AJAP1: variants seen among roughly 807,000 people sequenced by gnomAD.
The protein encoded by AJAP1 is adherens junctions associated protein 1, also known as adherens junction-associated protein 1.
Under a neutral mutation model 35.0 loss-of-function variants are expected in AJAP1, and 5 were observed. That is an observed-to-expected ratio of 0.14 (90% CI 0.07 to 0.30). The LOEUF (loss-of-function observed/expected upper bound fraction) is 0.30. AJAP1 is among the 10% of genes least tolerant of loss of function. The pLI, the probability that AJAP1 is intolerant of heterozygous loss-of-function variation, is 1.00. For missense variants in AJAP1, 586 were observed against 571.0 expected, an observed-to-expected ratio of 1.03 and a Z score of -0.27; for synonymous variants, 284 against 249.3, an observed-to-expected ratio of 1.14 and a Z score of -1.31.
At chr1:4,772,068 T>C (rs563672994) in intron 3 of AJAP1, among the ~76,000 whole-genome samples, 1 of 141,612 alleles carries the variant, frequency 7.1e-6, no homozygotes, top group East Asian at 2.0e-4. Context: ...TAGCCACATT[T>C]AAAATTCAAA....
chr1:4,686,613 G>A (rs1323570698), intron 1 of AJAP1, among the ~76,000 whole-genome samples: 1 of 152,224 alleles, frequency 6.6e-6, no homozygotes, highest in Non-Finnish European at 1.5e-5. Context: ...GAGCTTTGCC[G>A]AGCAGGAGGC....
Position 4,693,000 on chromosome 1 carries a change from C to A in AJAP1, c.30-18900C>A, listed in dbSNP as rs1047590884. On this transcript the variant is annotated intron_variant, in intron 1 of 5. Coordinates refer to ENST00000378191, the MANE Select transcript of AJAP1 (RefSeq NM_018836.4). This position sits in a 1 kb window ranked among gnomAD's most constrained non-coding sequence, Gnocchi z 4.4. ...GTATAAAAATAAGCAGTTAATATTT[C>A]TATTACAGTGTAATTAATACTAAAT... Among the ~76,000 whole-genome samples the A allele has an allele frequency of 3.9e-5, 6 of 152,208 alleles. No homozygotes were observed. The highest frequency in any genetic ancestry group is 1.4e-4 in the African/African-American group (6 of 41,446).
At chr1:4,738,220 A>T (rs1455138033) in intron 2 of AJAP1, among the ~76,000 whole-genome samples, 1 of 152,250 alleles carries the variant, frequency 6.6e-6, no homozygotes, top group Non-Finnish European at 1.5e-5. Flanking sequence ...ATGAGGCATG[A>T]TCAACACAAC....
In AJAP1 at chr1:4,692,489, C is replaced by A. The variant is rs750153787; in HGVS notation, c.30-19411C>A. ...TGGGTCCCAAGGAAGCACCTGCCCCCAAATTCCCCACCCCAGGCATCCGGG... is the reference window on the plus strand; with the variant it reads ...TGGGTCCCAAGGAAGCACCTGCCCCAAAATTCCCCACCCCAGGCATCCGGG... On this transcript the variant is annotated intron_variant, in intron 1 of 5. Coordinates refer to ENST00000378191, the MANE Select transcript of AJAP1 (RefSeq NM_018836.4). The surrounding 1 kb of genome is among the most constrained non-coding windows in gnomAD (Gnocchi z 4.4). Among the ~76,000 whole-genome samples, 15 of 152,218 alleles carry A rather than the reference C, an allele frequency of 9.9e-5. No individual in the cohort carries two copies. The highest frequency in any genetic ancestry group is 4.4e-5 in the Non-Finnish European group (3 of 68,038).
intron 1 of AJAP1, among the ~76,000 whole-genome samples, chr1:4,684,998 A>G (rs940763025): frequency 3.3e-5 from 5 of 152,064 alleles, no homozygotes; most frequent in Non-Finnish European, 5.9e-5. Context: ...TGGCAGGAGG[A>G]AAAAAGGCCC....
rs776740675 is a variant in AJAP1 at position 4,712,203 on chromosome 1, C to A, written c.333C>A (p.Leu111=). The change falls in exon 2 of 6, where the codon CTC becomes CTA. Residue 111 remains leucine (L), a synonymous_variant. Transcript: ENST00000378191. The part of the protein sequence containing the change: ...AHRPRDQAAA[L]VPKAGLAKPP... ...GGCCCCGGGACCAGGCGGCCGCCCT[C>A]GTGCCCAAGGCAGGACTGGCCAAGC... 3 of 1,564,858 alleles carry A rather than the reference C, an allele frequency of 1.9e-6. No homozygotes were observed. The highest frequency in any genetic ancestry group is 4.6e-5 in the East Asian group (2 of 43,480).
chr1:4,704,174 T>C (rs146285803), intron 1 of AJAP1, among the ~76,000 whole-genome samples: 3,157 of 147,928 alleles, frequency 0.021, 92 homozygotes, highest in South Asian at 0.13. Context: ...TTTTTTTTTA[T>C]ACTTTAAGTT....
At chr1:4,701,007 C>T (rs986472645) in intron 1 of AJAP1, among the ~76,000 whole-genome samples, 1 of 152,236 alleles carries the variant, frequency 6.6e-6, no homozygotes, top group African/African-American at 2.4e-5. Flanking sequence ...CACCGTCCTG[C>T]CCACACACTG....
rs536920700 is a variant in AJAP1, at chr1:4,662,919, G to A, written c.29+7465G>A. 2.0e-5 allele frequency among the ~76,000 whole-genome samples: 3 copies of A among 152,340 alleles called. No individual in the cohort carries two copies. In the South Asian group the frequency reaches 6.2e-4, roughly 32 times the overall value. ...TAGAAGAAGTCCTATCTGGTCAGAT[G>A]CCTGGAGGTGGAGGGGAGAGGGTCA... On this transcript the variant is annotated intron_variant, in intron 1 of 5. Coordinates refer to ENST00000378191, the MANE Select transcript of AJAP1 (RefSeq NM_018836.4).
intron 2 of AJAP1, among the ~76,000 whole-genome samples, chr1:4,718,438 T>C (rs1252979161): frequency 6.6e-6 from 1 of 151,976 alleles, no homozygotes; most frequent in Non-Finnish European, 1.5e-5. Context: ...ATGTGAAAGG[T>C]CTTTAATCCT....
In AJAP1 at chr1:4,720,476, C is replaced by T. The variant is rs1177937662; in HGVS notation, c.829+7777C>T. Among the ~76,000 whole-genome samples the T allele has an allele frequency of 6.6e-6, 1 of 152,192 alleles. No homozygotes were observed. The highest frequency in any genetic ancestry group is 1.5e-5 in the Non-Finnish European group (1 of 68,030). On this transcript the variant is annotated intron_variant, in intron 2 of 5. Coordinates refer to ENST00000378191, the MANE Select transcript of AJAP1 (RefSeq NM_018836.4). The surrounding 1 kb of genome is among the most constrained non-coding windows in gnomAD (Gnocchi z 4.4). ...ACAAAGCTGGTGCCAGCGGAGAGAGCGCCCACCTTGGCTCAGATGGACCCA... is the reference window on the plus strand; with the variant it reads ...ACAAAGCTGGTGCCAGCGGAGAGAGTGCCCACCTTGGCTCAGATGGACCCA...
chr1:4,709,081 T>C (rs1640163702), intron 1 of AJAP1, among the ~76,000 whole-genome samples: 1 of 152,236 alleles, frequency 6.6e-6, no homozygotes, highest in African/African-American at 2.4e-5. Context: ...AGAAATATCC[T>C]GTGTGTGAAG....
At chr1:4,710,958 C>T (rs1203483335) in intron 1 of AJAP1, among the ~76,000 whole-genome samples, 3 of 152,192 alleles carry the variant, frequency 2.0e-5, no homozygotes, top group Non-Finnish European at 2.9e-5. Context: ...CCTGCAGCCC[C>T]GCTGCGTGGA....
chr1:4,703,001 C>T (rs1640022118), intron 1 of AJAP1, among the ~76,000 whole-genome samples: 1 of 152,158 alleles, frequency 6.6e-6, no homozygotes, highest in African/African-American at 2.4e-5. Flanking sequence ...CCAAATGAGT[C>T]ATCTTTACGC....
In AJAP1 at chr1:4,655,505, TG is replaced by T; in HGVS notation, c.29+54del. The T allele has an allele frequency of 6.5e-7, 1 of 1,548,072 alleles. No individual in the cohort carries two copies. Among genetic ancestry groups the T allele is most frequent in the South Asian group, 1.2e-5 (1 of 86,256 alleles). On this transcript the variant is annotated intron_variant, in intron 1 of 5. Coordinates refer to ENST00000378191, the MANE Select transcript of AJAP1 (RefSeq NM_018836.4). This position sits in a 1 kb window ranked among gnomAD's most constrained non-coding sequence, Gnocchi z 6.9. The stretch of plus-strand genomic sequence containing the variant: ...GCGTGTGGGCGCGTGGGTGCCAGGC[TG>T]GGCGGAAGCGGCGCTTTCCTCTATG...
intron 1 of AJAP1, among the ~76,000 whole-genome samples, chr1:4,684,460 C>G (rs1307249632): frequency 6.6e-6 from 1 of 152,136 alleles, no homozygotes; most frequent in Admixed American, 6.5e-5. Flanking sequence ...GGAGCAAGGT[C>G]TAGGGCGGCC....
chr1:4,710,083 G>A (rs1044587646), intron 1 of AJAP1, among the ~76,000 whole-genome samples: 1 of 151,598 alleles, frequency 6.6e-6, no homozygotes, highest in African/African-American at 2.4e-5. Flanking sequence ...CTCTCACACA[G>A]ACACTCACAG....
intron 1 of AJAP1, among the ~76,000 whole-genome samples, chr1:4,697,879 G>A (rs1473175921): frequency 2.6e-5 from 4 of 152,230 alleles, no homozygotes; most frequent in African/African-American, 9.6e-5. Flanking sequence ...TCAGGGCAGC[G>A]TTCCAGTGGC....
intron 2 of AJAP1, among the ~76,000 whole-genome samples, chr1:4,742,466 G>T (rs1345148307): frequency 6.6e-6 from 1 of 152,144 alleles, no homozygotes; most frequent in African/African-American, 2.4e-5. Context: ...TTCCCAATTG[G>T]AAGACGAGAG....
Sources: gnomAD v4.1 joint callset for allele counts (sites outside exome capture counted in the v4.1 genomes callset) on GRCh38, gnomAD v4.1.1 for gene constraint, Gnocchi (gnomAD v3.1) non-coding constraint, MANE v1.5 for transcripts, NCBI Gene and HGNC (gene_info 2026-07-23, HGNC 2026-07-21) for gene names.